Variants in MDGA2 observed in about 807,000 individuals in gnomAD.
MDGA2 encodes the protein MAM domain-containing glycosylphosphatidylinositol anchor protein 2.
MDGA2 carries 40 observed loss-of-function variants against 117.8 expected under a neutral mutation model. That is an observed-to-expected ratio of 0.34 (90% CI 0.26 to 0.44). MDGA2 has a LOEUF of 0.44. MDGA2 is among the 20% of genes least tolerant of loss of function. The pLI, the probability that MDGA2 is intolerant of heterozygous loss-of-function variation, is 1.00. For missense variants in MDGA2, 1,123 were observed against 1,250.6 expected (o/e 0.90, Z 1.54); for synonymous variants, 452 against 439.0 (o/e 1.03, Z -0.37).
intron 8 of MDGA2, among the ~76,000 whole-genome samples, chr14:47,024,433 C>T (rs376540930): frequency 6.6e-6 from 1 of 152,146 alleles, no homozygotes; most frequent in Non-Finnish European, 1.5e-5. Flanking sequence ...TCGCTTCTGT[C>T]ATTTCATCCA....
intron 8 of MDGA2, among the ~76,000 whole-genome samples, chr14:46,999,968 T>C (rs1407055992): frequency 1.3e-5 from 2 of 151,940 alleles, no homozygotes; most frequent in Non-Finnish European, 2.9e-5. Flanking sequence ...ATGGTGAAGT[T>C]TGAAGTGAAT....
chr14:47,000,438 CATATAAATAT>C (rs1887489909), intron 8 of MDGA2, among the ~76,000 whole-genome samples: 5 of 82,204 alleles, frequency 6.1e-5, no homozygotes, highest in Non-Finnish European at 1.1e-4. Context: ...AATATATATA[CATATAAATAT>C]ATATATAAAT....
chr14:47,401,917 G>A (rs1193855976), intron 1 of MDGA2, among the ~76,000 whole-genome samples: 1 of 152,202 alleles, frequency 6.6e-6, no homozygotes, highest in Non-Finnish European at 1.5e-5. Context: ...ATGAGAGACA[G>A]TAAATTATCA....
chr14:46,865,169 T>G (rs1023227183), intron 14 of MDGA2, among the ~76,000 whole-genome samples: 1 of 152,076 alleles, frequency 6.6e-6, no homozygotes, highest in East Asian at 1.9e-4. Context: ...TCATGCAAAA[T>G]ACCATCTTTG....
chr14:47,583,500 T>C (rs541818985), intron 1 of MDGA2, among the ~76,000 whole-genome samples: 68 of 152,032 alleles, frequency 4.5e-4, no homozygotes, highest in African/African-American at 1.5e-3. Context: ...TCTTGAAATA[T>C]ATTTCAAATA....
Position 46,855,610 on chromosome 14 carries a change from C to G in MDGA2, c.2753-456G>C, listed in dbSNP as rs531413191. Among the ~76,000 whole-genome samples, 3 of 152,244 alleles carry G rather than the reference C, an allele frequency of 2.0e-5. No homozygotes were observed. Among genetic ancestry groups the G allele is most frequent in the Non-Finnish European group, 2.9e-5 (2 of 68,012 alleles). ...CTAGTAAAGGCAAAGGAAAGGGCTT[C>G]TTTCCTGGAGCTTCAGAAGAAGTCA... On this transcript the variant is annotated intron_variant, in intron 14 of 16. Transcript: ENST00000399232. This position sits in a 1 kb window ranked among gnomAD's most constrained non-coding sequence, Gnocchi z 4.1.
intron 3 of MDGA2, among the ~76,000 whole-genome samples, chr14:47,198,568 T>C (rs943178590): frequency 6.6e-6 from 1 of 151,690 alleles, no homozygotes; most frequent in Non-Finnish European, 1.5e-5. Flanking sequence ...CGAGACTCCG[T>C]CTCAAAAAAA....
chr14:47,165,148 G>GC (rs1883815548), intron 3 of MDGA2, among the ~76,000 whole-genome samples: 1 of 152,072 alleles, frequency 6.6e-6, no homozygotes. Context: ...TATACCTGAT[G>GC]TAAATGACAA....
chr14:47,214,363 T>TA (rs1277381386), intron 3 of MDGA2, among the ~76,000 whole-genome samples: 1 of 152,184 alleles, frequency 6.6e-6, no homozygotes, highest in Non-Finnish European at 1.5e-5. Context: ...AAACATATTT[T>TA]ATCAATAAAT....
intron 3 of MDGA2, among the ~76,000 whole-genome samples, chr14:47,151,840 C>T (rs763916): frequency 6.3e-4 from 95 of 151,574 alleles, no homozygotes; most frequent in South Asian, 2.1e-3. Flanking sequence ...AGGACTCATA[C>T]CTTATATTTA....
chr14:47,304,634 T>C (rs1298027981), intron 1 of MDGA2, among the ~76,000 whole-genome samples: 1 of 152,138 alleles, frequency 6.6e-6, no homozygotes, highest in African/African-American at 2.4e-5. Context: ...CAAAATAGTA[T>C]TTTGAAATTT....
chr14:47,579,430 C>A (rs1428831145), intron 1 of MDGA2, among the ~76,000 whole-genome samples: 1 of 151,978 alleles, frequency 6.6e-6, no homozygotes, highest in African/African-American at 2.4e-5. Context: ...TTTCTTTTCA[C>A]TCATTTAATA....
chr14:47,378,823 C>T (rs572668351), intron 1 of MDGA2, among the ~76,000 whole-genome samples: 2 of 152,276 alleles, frequency 1.3e-5, no homozygotes, highest in East Asian at 1.9e-4. Flanking sequence ...ACTTCCCCAA[C>T]CTAGCAAGGG....
intron 6 of MDGA2, among the ~76,000 whole-genome samples, chr14:47,090,421 G>T (rs1033086465): frequency 2.0e-5 from 3 of 151,650 alleles, no homozygotes; most frequent in African/African-American, 7.3e-5. Flanking sequence ...AATTAATAAA[G>T]AGCACATTTC....
intron 3 of MDGA2, among the ~76,000 whole-genome samples, chr14:47,158,042 A>G (rs1281656428): frequency 6.6e-6 from 1 of 152,152 alleles, no homozygotes; most frequent in African/African-American, 2.4e-5. Context: ...TACATTATAC[A>G]TACAGTCATG....
chr14:46,846,514 G>A (rs942232143), intron 15 of MDGA2, among the ~76,000 whole-genome samples: 1 of 151,896 alleles, frequency 6.6e-6, no homozygotes, highest in African/African-American at 2.4e-5. Context: ...TTGAATTTAT[G>A]GTGTCTATAA....
intron 2 of MDGA2, among the ~76,000 whole-genome samples, chr14:47,267,217 T>A (rs553370431): frequency 6.6e-6 from 1 of 152,252 alleles, no homozygotes; most frequent in African/African-American, 2.4e-5. Context: ...AAAATATGAT[T>A]CTTTTTTTGG....
chr14:47,424,365 G>A (rs555572036), intron 1 of MDGA2, among the ~76,000 whole-genome samples: 2 of 151,410 alleles, frequency 1.3e-5, no homozygotes, highest in African/African-American at 4.8e-5. Flanking sequence ...GCAGGCTACA[G>A]TGAACCATGA....
At chr14:47,594,997 G>A (rs763983412) in intron 1 of MDGA2, among the ~76,000 whole-genome samples, 4 of 151,868 alleles carry the variant, frequency 2.6e-5, no homozygotes, top group Admixed American at 1.3e-4. Flanking sequence ...CCCACTCCTC[G>A]TAATTAAAAC....
Sources: allele counts gnomAD v4.1 joint callset (sites outside exome capture counted in the v4.1 genomes callset), GRCh38; gene constraint gnomAD v4.1.1; non-coding constraint Gnocchi (gnomAD v3.1); transcripts MANE v1.5; gene names NCBI Gene and HGNC (gene_info 2026-07-23, HGNC 2026-07-21).